SFTPD: variants seen among roughly 807,000 people sequenced by gnomAD.
SFTPD encodes surfactant protein D.
In SFTPD, 18 loss-of-function variants were observed where a neutral mutation model predicts 34.6. The ratio of observed to expected loss-of-function variants is 0.52; its 90% CI spans 0.36 to 0.77. The LOEUF (loss-of-function observed/expected upper bound fraction) is 0.77. Among genes scored for constraint, SFTPD ranks in the 30% least tolerant of loss-of-function variants. The pLI, the probability that SFTPD is intolerant of heterozygous loss-of-function variation, is 0.00. For missense variants in SFTPD, 433 were observed against 468.9 expected, an observed-to-expected ratio of 0.92 and a Z score of 0.71; for synonymous variants, 155 against 180.9, an observed-to-expected ratio of 0.86 and a Z score of 1.15.
At chr10:79,975,619 A>G (rs1214599883) in intron 1 of SFTPD, among the ~76,000 whole-genome samples, 1 of 152,162 alleles carries the variant, frequency 6.6e-6, no homozygotes, top group Non-Finnish European at 1.5e-5. Context: ...CAGCGGCACT[A>G]GAGGAATTAA....
At chr10:79,938,655 TGA>T (rs1368804949) in intron 7 of SFTPD, among the ~76,000 whole-genome samples, 2 of 152,170 alleles carry the variant, frequency 1.3e-5, no homozygotes, top group African/African-American at 2.4e-5. Flanking sequence ...GGCCAGTTTC[TGA>T]GAGTACAGAA....
chr10:79,954,194 C>T (rs1842726689), intron 1 of SFTPD, among the ~76,000 whole-genome samples: 1 of 152,038 alleles, frequency 6.6e-6, no homozygotes, highest in African/African-American at 2.4e-5. Flanking sequence ...GGTTTGGTTA[C>T]TGGAGCTTTA....
At chr10:79,959,076 A>G (rs1249437506) in intron 1 of SFTPD, among the ~76,000 whole-genome samples, 3 of 151,916 alleles carry the variant, frequency 2.0e-5, no homozygotes, top group Non-Finnish European at 4.4e-5. Flanking sequence ...GGCAGAAATA[A>G]AGATGTTCTT....
intron 1 of SFTPD, among the ~76,000 whole-genome samples, chr10:79,976,600 G>A (rs1329466462): frequency 6.6e-6 from 1 of 152,134 alleles, no homozygotes; most frequent in Non-Finnish European, 1.5e-5. Context: ...CACCTAAAGG[G>A]AAAAACCCTG....
intron 4 of SFTPD, 93 bp downstream of exon 4, chr10:79,942,295 C>G: frequency 1.1e-6 from 1 of 885,996 alleles, no homozygotes; most frequent in Non-Finnish European, 1.8e-6. Flanking sequence ...GGTCTGGGCT[C>G]TCCCTGGCAC....
rs372491584 is a variant in SFTPD, at chr10:79,942,743, G to A, written c.316+20C>T. The A allele has an allele frequency of 2.4e-5, 35 of 1,477,102 alleles. No homozygotes were observed. In the African/African-American group the frequency reaches 4.4e-4, roughly 19 times the overall value. The allele number at this position is 1,477,102 out of a possible 1,614,324, so 91.5% of individuals were successfully genotyped here. ...GCACCACCACCTGGAAACACCTGAA[G>A]TCGACACCCAGTTGCTCACCACTTG... On this transcript the variant is annotated intron_variant, in intron 3 of 7. Transcript: ENST00000372292.
intron 7 of SFTPD, 94 bp from the exon 8 acceptor site, chr10:79,938,322 G>T: frequency 8.5e-7 from 1 of 1,182,930 alleles, no homozygotes; most frequent in Non-Finnish European, 1.2e-6. Flanking sequence ...GAGCCTTTCA[G>T]ACCTCCCAAA....
At chr10:79,955,572 G>A (rs960824656) in intron 1 of SFTPD, among the ~76,000 whole-genome samples, 3 of 152,126 alleles carry the variant, frequency 2.0e-5, no homozygotes, top group Non-Finnish European at 4.4e-5. Context: ...TCACAGAAAA[G>A]GTAGGATTGC....
At chr10:79,943,330 C>T (rs1323954683) in intron 2 of SFTPD, among the ~76,000 whole-genome samples, 1 of 152,180 alleles carries the variant, frequency 6.6e-6, no homozygotes, top group East Asian at 1.9e-4. Context: ...GCAGCATCTA[C>T]TTTATACCTA....
At chr10:79,962,454 C>T (rs1842778955) in intron 1 of SFTPD, among the ~76,000 whole-genome samples, 1 of 152,024 alleles carries the variant, frequency 6.6e-6, no homozygotes, top group Admixed American at 6.6e-5. Context: ...TACTTACATA[C>T]AAAATATACA....
intron 1 of SFTPD, among the ~76,000 whole-genome samples, chr10:79,961,232 T>A (rs373424573): frequency 5.9e-5 from 9 of 152,008 alleles, no homozygotes; most frequent in Non-Finnish European, 7.4e-5. Flanking sequence ...GGACATAGGC[T>A]TGGGCAAGGA....
chr10:79,942,438 T>C lies in SFTPD; in HGVS notation c.383A>G (p.Asn128Ser). 6.2e-7 allele frequency: 1 copy of C among 1,613,612 alleles called. No homozygotes were observed. The highest frequency in any genetic ancestry group is 8.5e-7 in the Non-Finnish European group (1 of 1,179,578). Reference protein sequence around the residue: ...GREGPLGKQGNIGPQGKPGPK... With the variant: ...GREGPLGKQGSIGPQGKPGPK... Reference sequence around the variant, plus strand: ...GCCTGGCTTGCCCTGAGGTCCTATGTTCCCCTGCTTCCCCAGGGGACCTTC... The same window carrying C: ...GCCTGGCTTGCCCTGAGGTCCTATGCTCCCCTGCTTCCCCAGGGGACCTTC... Residue 128 changes from asparagine (N) to serine (S), a missense_variant, in exon 4 of 8, where the codon AAC (asparagine) becomes AGC (serine). Physicochemically the swap from Asn to Ser is conservative, Grantham distance 46. Coordinates refer to ENST00000372292, the MANE Select transcript of SFTPD (RefSeq NM_003019.5).
intron 1 of SFTPD, chr10:79,970,731 T>C (rs1156747002): frequency 6.6e-6 from 1 of 152,186 alleles, no homozygotes; most frequent in Non-Finnish European, 1.5e-5. Flanking sequence ...CCTACAACTT[T>C]ACTGAATTTA....
intron 1 of SFTPD, among the ~76,000 whole-genome samples, chr10:79,965,345 G>T (rs1316774565): frequency 1.3e-5 from 2 of 151,824 alleles, no homozygotes; most frequent in African/African-American, 2.4e-5. Context: ...TATGACAAAT[G>T]TTTCTTCTAA....
At chr10:79,951,097 T>G (rs1842707481), upstream of SFTPD, 1 of 152,124 alleles carries the variant, frequency 6.6e-6, no homozygotes. Context: ...TCCTGAATTA[T>G]TTTTCTGATT....
At chr10:79,982,360 C>G in intron 1 of SFTPD, 1 of 1,040,942 alleles carries the variant, frequency 9.6e-7, no homozygotes, top group South Asian at 2.1e-5. Flanking sequence ...CCCTGGCAGC[C>G]CCGCGCAGCC....
intron 1 of SFTPD, among the ~76,000 whole-genome samples, chr10:79,966,898 G>T (rs1160114324): frequency 6.8e-6 from 1 of 147,864 alleles, no homozygotes; most frequent in African/African-American, 2.5e-5. Flanking sequence ...GCACAAGACA[G>T]GGATGCCCTC....
At chr10:79,964,512 C>A (rs1256535130) in intron 1 of SFTPD, among the ~76,000 whole-genome samples, 1 of 152,216 alleles carries the variant, frequency 6.6e-6, no homozygotes, top group Non-Finnish European at 1.5e-5. Flanking sequence ...TCTTCCCACA[C>A]AAGGCAAATG....
intron 1 of SFTPD, among the ~76,000 whole-genome samples, chr10:79,961,060 T>C (rs1842769589): frequency 6.6e-6 from 1 of 152,322 alleles, no homozygotes; most frequent in South Asian, 2.1e-4. Flanking sequence ...ATTCCCTATT[T>C]AATAAATGGT....
Sources: allele counts gnomAD v4.1 joint callset (sites outside exome capture counted in the v4.1 genomes callset), GRCh38; gene constraint gnomAD v4.1.1; transcripts MANE v1.5; gene names NCBI Gene and HGNC (gene_info 2026-07-23, HGNC 2026-07-21).